Variants in XPO4 observed in about 807,000 individuals in gnomAD.
XPO4 encodes exportin-4.
Under a neutral mutation model 143.0 loss-of-function variants are expected in XPO4, and 39 were observed. The ratio of observed to expected loss-of-function variants is 0.27; its 90% CI spans 0.21 to 0.36. XPO4 has a LOEUF of 0.36. Among genes scored for constraint, XPO4 ranks in the 10% least tolerant of loss-of-function variants. The pLI, the probability that XPO4 is intolerant of heterozygous loss-of-function variation, is 1.00. For synonymous variants in XPO4, 439 were observed against 474.0 expected (o/e 0.93, Z 0.96); for missense variants, 907 against 1,348.0 (o/e 0.67, Z 5.12).
At chr13:20,896,312 T>C (rs2060568796) in intron 1 of XPO4, among the ~76,000 whole-genome samples, 1 of 152,212 alleles carries the variant, frequency 6.6e-6, no homozygotes, top group African/African-American at 2.4e-5. Flanking sequence ...TGACATTATA[T>C]TCAATTTAGA....
chr13:20,813,944 CAAG>C lies in XPO4; in HGVS notation c.1174-3980_1174-3978del, dbSNP rs1408504834. ...CTGCACTTCAGCTTGGGTGACAGAG[CAAG>C]ACGCTGTCTCAAAAAAAAAAAAAAA... is the stretch of plus-strand genomic sequence containing the variant. On this transcript the variant is annotated intron_variant, in intron 9 of 22. Coordinates refer to ENST00000255305, the MANE Select transcript of XPO4 (RefSeq NM_022459.5). Among the ~76,000 whole-genome samples, 3 of 141,424 alleles carry C rather than the reference CAAG, an allele frequency of 2.1e-5. No individual in the cohort carries two copies. In the Admixed American group the frequency reaches 2.2e-4, roughly 10 times the overall value. 92.8% of individuals were successfully genotyped at this position (141,424 alleles called of 152,430 possible).
chr13:20,827,094 G>T lies in XPO4; in HGVS notation c.813C>A (p.Asp271Glu). ...PTESWRETLL[D>E]SRVMELFFTV... ...TGAAGAAAAGCTCCATAACTCTGCT[G>T]TCCAGAAGAGTCTCCCGCCAGGACT... The change falls in exon 7 of 23, where the codon GAC becomes GAA. Residue 271 changes from aspartate to glutamate, a missense_variant. Physicochemically the swap from Asp to Glu is conservative, Grantham distance 45 (BLOSUM62 2). Transcript: ENST00000255305. The T allele has an allele frequency of 6.2e-7, 1 of 1,613,636 alleles. No individual in the cohort carries two copies. Among genetic ancestry groups the T allele is most frequent in the Non-Finnish European group, 8.5e-7 (1 of 1,179,602 alleles).
At chr13:20,800,488 T>C (rs1286354567) in intron 14 of XPO4, among the ~76,000 whole-genome samples, 163 bp from the exon 15 acceptor site, 4 of 152,042 alleles carry the variant, frequency 2.6e-5, no homozygotes, top group African/African-American at 7.2e-5. Context: ...AAAAAAGACA[T>C]CCTCAATCCA....
chr13:20,826,185 C>T (rs903384179), intron 7 of XPO4, among the ~76,000 whole-genome samples: 2 of 152,098 alleles, frequency 1.3e-5, no homozygotes, highest in Non-Finnish European at 2.9e-5. Flanking sequence ...CAGCTTTTGA[C>T]CGTTTTATTG....
At chr13:20,830,643 ATG>A (rs2059841293) in intron 6 of XPO4, among the ~76,000 whole-genome samples, 1 of 152,212 alleles carries the variant, frequency 6.6e-6, no homozygotes, top group South Asian at 2.1e-4. Context: ...AATAAAAAAC[ATG>A]AAACAAAAAG....
chr13:20,856,684 G>T, intron 3 of XPO4: 2 of 231,130 alleles, frequency 8.7e-6, no homozygotes, highest in Non-Finnish European at 1.4e-5. Flanking sequence ...AAGTGTCCCA[G>T]TTTGGAGACC....
chr13:20,851,722 AAAAAAAAAGAAAGAAAGAAAG>A, intron 4 of XPO4: 1 of 955,174 alleles, frequency 1.0e-6, no homozygotes. Context: ...AAAAAAAAAA[AAAAAAAAAGAAAGAAAGAAAG>A]AAAGAAAGAC....
At chr13:20,869,936 T>G (rs947488750) in intron 1 of XPO4, among the ~76,000 whole-genome samples, 1 of 151,878 alleles carries the variant, frequency 6.6e-6, no homozygotes, top group African/African-American at 2.4e-5. Flanking sequence ...AAACCCAGTC[T>G]CTACTAAAAA....
intron 1 of XPO4, among the ~76,000 whole-genome samples, chr13:20,887,977 C>T (rs770641849): frequency 6.6e-6 from 1 of 151,896 alleles, no homozygotes; most frequent in Non-Finnish European, 1.5e-5. Context: ...GAGATCAAGA[C>T]CAGTCTGGCC....
chr13:20,789,818 T>G (rs1001156837), intron 19 of XPO4, among the ~76,000 whole-genome samples: 8 of 151,976 alleles, frequency 5.3e-5, no homozygotes, highest in African/African-American at 7.2e-5. Flanking sequence ...CTCCTTTCCT[T>G]TCCACCCATG....
At chr13:20,805,632 C>T (rs546638054) in intron 13 of XPO4, among the ~76,000 whole-genome samples, 1 of 152,302 alleles carries the variant, frequency 6.6e-6, no homozygotes, top group Non-Finnish European at 1.5e-5. Flanking sequence ...ACAACAATCC[C>T]TACTGATACT....
chr13:20,839,226 G>T (rs548661409), intron 6 of XPO4, among the ~76,000 whole-genome samples: 100 of 152,054 alleles, frequency 6.6e-4, no homozygotes, highest in African/African-American at 2.2e-3. Flanking sequence ...ATCGCGCCAC[G>T]GCACTCCACC....
intron 1 of XPO4, among the ~76,000 whole-genome samples, chr13:20,895,667 T>C (rs986245707): frequency 1.3e-5 from 2 of 152,106 alleles, no homozygotes; most frequent in Non-Finnish European, 2.9e-5. Context: ...AAGCCTTCCA[T>C]TTCCGTTTCT....
intron 1 of XPO4, among the ~76,000 whole-genome samples, chr13:20,873,930 T>C (rs2060327916): frequency 1.3e-5 from 2 of 152,212 alleles, no homozygotes; most frequent in Non-Finnish European, 2.9e-5. Flanking sequence ...TTACATGCAT[T>C]ATCTCATTTA....
At chr13:20,897,284 A>G (rs1422650529) in intron 1 of XPO4, among the ~76,000 whole-genome samples, 2 of 152,234 alleles carry the variant, frequency 1.3e-5, no homozygotes, top group African/African-American at 4.8e-5. Context: ...GTCTCAGGAA[A>G]TATCTACTAC....
At chr13:20,846,597 A>C (rs1407341922) in intron 4 of XPO4, among the ~76,000 whole-genome samples, 1 of 152,236 alleles carries the variant, frequency 6.6e-6, no homozygotes, top group Non-Finnish European at 1.5e-5. Context: ...TAGCCCCCTG[A>C]ACACGTAAGA....
chr13:20,820,229 G>A (rs1377662781), intron 9 of XPO4, among the ~76,000 whole-genome samples: 1 of 152,194 alleles, frequency 6.6e-6, no homozygotes, highest in African/African-American at 2.4e-5. Flanking sequence ...AATGCATGCA[G>A]GCTTTCTATA....
chr13:20,852,479 C>T lies in XPO4; in HGVS notation c.456+3148G>A, dbSNP rs1352296138. The T allele has an allele frequency of 4.1e-6, 4 of 985,244 alleles. No individual in the cohort carries two copies. The Admixed American group carries it at 2.5e-4, about 61-fold the overall frequency. 61.0% of individuals were successfully genotyped at this position (985,244 alleles called of 1,614,324 possible). A position where few individuals can be genotyped will look rare whatever the true frequency, so the allele number is the denominator to read the frequency against. ...ATGCACATGGCCATTAGTTTGGAAG[C>T]AAATTCGAACAAATTCATAGAAATG... On this transcript the variant is annotated intron_variant, in intron 4 of 22. Coordinates refer to ENST00000255305, the MANE Select transcript of XPO4 (RefSeq NM_022459.5).
chr13:20,834,098 T>C (rs1340816660), intron 6 of XPO4, among the ~76,000 whole-genome samples: 3 of 152,158 alleles, frequency 2.0e-5, no homozygotes, highest in Non-Finnish European at 4.4e-5. Flanking sequence ...TTTTAACATC[T>C]ACCAAATCAC....
Sources: gnomAD v4.1 joint callset for allele counts (sites outside exome capture counted in the v4.1 genomes callset) on GRCh38, gnomAD v4.1.1 for gene constraint, MANE v1.5 for transcripts, NCBI Gene and HGNC (gene_info 2026-07-23, HGNC 2026-07-21) for gene names.